FAM47E: variants seen among roughly 807,000 people sequenced by gnomAD.
FAM47E encodes the protein protein FAM47E.
FAM47E carries 32 observed loss-of-function variants against 41.6 expected under a neutral mutation model. The observed-to-expected ratio is 0.77, with a 90% CI of 0.58 to 1.03. FAM47E has a LOEUF of 1.03. FAM47E is among the 50% of genes least tolerant of loss of function. FAM47E has a pLI of 0.00. For synonymous variants in FAM47E, 184 were observed against 188.7 expected, an observed-to-expected ratio of 0.98 and a Z score of 0.20; for missense variants, 424 against 485.4, an observed-to-expected ratio of 0.87 and a Z score of 1.19.
chr4:76,234,068 A>C (rs1215496246), intron 2 of FAM47E, among the ~76,000 whole-genome samples: 1 of 152,238 alleles, frequency 6.6e-6, no homozygotes. Context: ...GGTGTGTGGC[A>C]GAAAACACCA....
At chr4:76,214,073 A>G in exon 1 of FAM47E, 2 of 348,696 alleles carry the variant, frequency 5.7e-6, no homozygotes, top group Middle Eastern at 1.0e-3. Context: ...CGCTCGCCCC[A>G]CCGAAATTGC....
chr4:76,231,689 CAG>C (rs1733496343), intron 2 of FAM47E, among the ~76,000 whole-genome samples: 1 of 152,186 alleles, frequency 6.6e-6, no homozygotes, highest in Admixed American at 6.5e-5. Flanking sequence ...CACAAGGAAT[CAG>C]ATAAGACCTT....
chr4:76,274,654 T>C (rs1490470144), intron 5 of FAM47E, among the ~76,000 whole-genome samples: 1 of 152,170 alleles, frequency 6.6e-6, no homozygotes, highest in Non-Finnish European at 1.5e-5. Flanking sequence ...GCAAGACCCT[T>C]CTGTGTGTTC....
intron 1 of FAM47E, 108 bp downstream of exon 1, chr4:76,251,928 C>G: frequency 7.7e-7 from 1 of 1,301,324 alleles, no homozygotes; most frequent in Non-Finnish European, 9.9e-7. Context: ...TCCAGCCTGC[C>G]TTCCCTCCTC....
At chr4:76,280,209 T>A in intron 6 of FAM47E, 55 bp from the exon 7 acceptor site, 2 of 1,072,160 alleles carry the variant, frequency 1.9e-6, no homozygotes, top group South Asian at 2.8e-5. Flanking sequence ...AGAACAAATA[T>A]GAAATCAAGC....
chr4:76,279,477 A>C (rs1357243066), intron 6 of FAM47E: 3 of 152,212 alleles, frequency 2.0e-5, no homozygotes, highest in African/African-American at 7.2e-5. Context: ...TGAGCTAATA[A>C]AGTAGCATTA....
upstream of FAM47E, among the ~76,000 whole-genome samples, chr4:76,248,812 C>CTCTT (rs1733889077): frequency 6.6e-6 from 1 of 151,846 alleles, no homozygotes; most frequent in South Asian, 2.1e-4. Context: ...CTCTCTCTCT[C>CTCTT]TCTCAACTCA....
chr4:76,248,771 T>C (rs1733887079), upstream of FAM47E, among the ~76,000 whole-genome samples: 1 of 147,828 alleles, frequency 6.8e-6, no homozygotes, highest in Admixed American at 6.9e-5. Context: ...ACCATAATTG[T>C]AGTCATTACT....
chr4:76,214,353 CG>C (rs1733158461), exon 1 of FAM47E: 1 of 451,812 alleles, frequency 2.2e-6, no homozygotes, highest in Admixed American at 2.4e-5. Flanking sequence ...AAGTTTGTCA[CG>C]TAAGGGGCAT....
chr4:76,261,522 C>T (rs1046858819), intron 2 of FAM47E, among the ~76,000 whole-genome samples: 15 of 152,064 alleles, frequency 9.9e-5, no homozygotes, highest in Admixed American at 2.6e-4. Flanking sequence ...TCTATCGTAG[C>T]GACATGGATG....
intron 7 of FAM47E, chr4:76,282,336 G>A (rs1316130681): frequency 6.6e-6 from 1 of 152,090 alleles, no homozygotes; most frequent in African/African-American, 2.4e-5. Flanking sequence ...GCAAGATGAG[G>A]GCATTTATAG....
intron 1 of FAM47E, among the ~76,000 whole-genome samples, chr4:76,216,515 T>C (rs1733210582): frequency 6.6e-6 from 1 of 152,192 alleles, no homozygotes; most frequent in Non-Finnish European, 1.5e-5. Flanking sequence ...TCCTTTTCAT[T>C]GTTCATTGAG....
chr4:76,224,627 A>G (rs1048681829), intron 2 of FAM47E, among the ~76,000 whole-genome samples: 11 of 152,276 alleles, frequency 7.2e-5, no homozygotes, highest in Non-Finnish European at 1.5e-4. Context: ...CAGTGGCATG[A>G]TTTTGGTTCA....
In FAM47E at chr4:76,268,677, T is replaced by G; in HGVS notation, c.578T>G (p.Val193Gly). ...VYLGPSKKTS[V>G]SNAGQWLYEE... ...ATCTTTAGTTCCAAGAAGACGTCTG[T>G]GTCAAACGCAGGCCAATGGCTTTAT... is the stretch of plus-strand genomic sequence containing the variant. Residue 193 changes from valine (V) to glycine (G), a missense_variant, in exon 4 of 8, where the codon GTG (valine) becomes GGG (glycine). Coordinates refer to ENST00000424749, the MANE Select transcript of FAM47E (RefSeq NM_001136570.3). 1 of 1,551,206 alleles carries G rather than the reference T, an allele frequency of 6.4e-7. No individual in the cohort carries two copies. Among genetic ancestry groups the G allele is most frequent in the Non-Finnish European group, 8.7e-7 (1 of 1,146,858 alleles).
At chr4:76,255,874 A>G (rs17001726) in intron 1 of FAM47E, among the ~76,000 whole-genome samples, 12,974 of 152,254 alleles carry the variant, frequency 0.085, 949 homozygotes, top group East Asian at 0.37. Context: ...GTGTACAAAC[A>G]AAGGATATAT....
At chr4:76,252,120 T>G (rs1037497733) in intron 1 of FAM47E, among the ~76,000 whole-genome samples, 2 of 152,112 alleles carry the variant, frequency 1.3e-5, no homozygotes, top group African/African-American at 4.8e-5. Flanking sequence ...CGGAGGCTGG[T>G]GCCCTCCTGC....
intron 2 of FAM47E, among the ~76,000 whole-genome samples, chr4:76,228,182 A>T (rs4530661): frequency 6.6e-6 from 1 of 151,470 alleles, no homozygotes; most frequent in African/African-American, 2.4e-5. Context: ...TTTTATTTCA[A>T]GATTTAGAAT....
intron 2 of FAM47E, among the ~76,000 whole-genome samples, chr4:76,232,410 A>C (rs1733509276): frequency 6.6e-6 from 1 of 152,218 alleles, no homozygotes; most frequent in Admixed American, 6.5e-5. Flanking sequence ...CTTATTCTAA[A>C]TCATCTCTTG....
At chr4:76,246,430 A>C (rs1412039990) in intron 2 of FAM47E, among the ~76,000 whole-genome samples, 1 of 152,100 alleles carries the variant, frequency 6.6e-6, no homozygotes, top group African/African-American at 2.4e-5. Context: ...GAAAGTCTGC[A>C]GACTTTAGGG....
Sources: allele counts gnomAD v4.1 joint callset (sites outside exome capture counted in the v4.1 genomes callset), GRCh38; gene constraint gnomAD v4.1.1; transcripts MANE v1.5; gene names NCBI Gene and HGNC (gene_info 2026-07-23, HGNC 2026-07-21).